Variants in CA8 observed in about 807,000 individuals in gnomAD.
CA8 encodes carbonic anhydrase-related protein.
In CA8, 22 loss-of-function variants were observed where a neutral mutation model predicts 41.4. That is an observed-to-expected ratio of 0.53 (90% confidence interval 0.38 to 0.76). The LOEUF is 0.76. CA8 is among the 30% of genes least tolerant of loss of function. The pLI is 0.00. For synonymous variants in CA8, 121 were observed against 130.6 expected (o/e 0.93, Z 0.50); for missense variants, 270 against 352.8 (o/e 0.77, Z 1.88).
intron 2 of CA8, among the ~76,000 whole-genome samples, chr8:60,277,782 A>T (rs1262830948): frequency 6.6e-6 from 1 of 152,236 alleles, no homozygotes; most frequent in Non-Finnish European, 1.5e-5. Flanking sequence ...GGGAAAAAAC[A>T]ACTACTCAAG....
intron 3 of CA8, among the ~76,000 whole-genome samples, chr8:60,235,967 T>A (rs1428956571): frequency 6.6e-6 from 1 of 152,196 alleles, no homozygotes; most frequent in Non-Finnish European, 1.5e-5. Context: ...GAATATAAGC[T>A]AGGAGGATAC....
intron 3 of CA8, among the ~76,000 whole-genome samples, chr8:60,233,530 G>A (rs1399652226): frequency 6.6e-6 from 1 of 152,200 alleles, no homozygotes; most frequent in Admixed American, 6.5e-5. Context: ...CAGAGACTGT[G>A]ACTACCCAGT....
rs1338938751 is a variant in CA8, at chr8:60,281,184, A to G, written c.-37T>C. The G allele has an allele frequency of 1.4e-6, 2 of 1,446,352 alleles. No homozygotes were observed. The highest frequency in any genetic ancestry group is 3.9e-5 in the Admixed American group (2 of 50,860). 89.6% of individuals were successfully genotyped at this position (1,446,352 alleles called of 1,614,324 possible). A position where few individuals can be genotyped will look rare whatever the true frequency, so the allele number is the denominator to read the frequency against. ...GGGGCCCCTCGGCGCTCTCGGCAGC[A>G]GTGCCTGCGCCTTCGCTGGGCGCGG... is the stretch of plus-strand genomic sequence containing the variant. On this transcript the variant is annotated 5_prime_UTR_variant, in exon 1 of 9. Coordinates refer to ENST00000317995, the MANE Select transcript of CA8 (RefSeq NM_004056.6).
chr8:60,254,428 T>A (rs928505083), intron 3 of CA8, among the ~76,000 whole-genome samples: 8 of 152,122 alleles, frequency 5.3e-5, no homozygotes, highest in African/African-American at 1.9e-4. Flanking sequence ...TTTAATATAG[T>A]CAGTCTCTAG....
At position 60,208,872 on chromosome 8, in the gene CA8, A is replaced by T; in HGVS notation, c.786T>A (p.Leu262=). Residue 262 remains leucine, a synonymous_variant, in exon 8 of 9, where the codon CTT becomes CTA. Coordinates refer to ENST00000317995, the MANE Select transcript of CA8 (RefSeq NM_004056.6). ...CCAAAATCCCATCACAGCCTTCCAC[A>T]AGTTCTGCCCCCTTAACATGTGTCC... ...RLRTHVKGAE[L]VEGCDGILGD... 2 of 1,614,124 alleles carry T rather than the reference A, an allele frequency of 1.2e-6. No individual in the cohort carries two copies. Among genetic ancestry groups the T allele is most frequent in the Non-Finnish European group, 1.7e-6 (2 of 1,180,018 alleles).
At chr8:60,230,438 G>A (rs1001320498) in intron 4 of CA8, among the ~76,000 whole-genome samples, 4 of 152,134 alleles carry the variant, frequency 2.6e-5, no homozygotes, top group African/African-American at 4.8e-5. Flanking sequence ...ATCATCGCCA[G>A]TTATTGCCCC....
At chr8:60,278,361 C>T (rs1317057637) in intron 2 of CA8, among the ~76,000 whole-genome samples, 2 of 152,140 alleles carry the variant, frequency 1.3e-5, no homozygotes, top group Non-Finnish European at 2.9e-5. Context: ...TTATATGCAA[C>T]CAATATTGAT....
At chr8:60,198,143 G>C (rs1464597130) in intron 8 of CA8, among the ~76,000 whole-genome samples, 1 of 152,176 alleles carries the variant, frequency 6.6e-6, no homozygotes, top group Non-Finnish European at 1.5e-5. Context: ...TCAGCATTGG[G>C]AGTGGGGCCC....
Position 60,226,751 on chromosome 8 carries a change from C to T in CA8, c.576+122G>A, listed in dbSNP as rs74468813. The stretch of plus-strand genomic sequence containing the variant: ...TTCTTTTCACTGTAATAAACCATAA[C>T]CACAAGGACAGCAGCTTTTCTGAGA... On this transcript the variant is annotated intron_variant, in intron 5 of 8. Coordinates refer to ENST00000317995, the MANE Select transcript of CA8 (RefSeq NM_004056.6). The T allele has an allele frequency of 3.7e-3, 2,576 of 693,224 alleles. 34 individuals are homozygous for T. In the African/African-American group the frequency reaches 0.041, roughly 11 times the overall value. 42.9% of individuals were successfully genotyped at this position (693,224 alleles called of 1,614,324 possible).
At chr8:60,258,244 T>C (rs923124978) in intron 3 of CA8, among the ~76,000 whole-genome samples, 6 of 152,224 alleles carry the variant, frequency 3.9e-5, no homozygotes, top group African/African-American at 1.2e-4. Context: ...GTAGAAGTAG[T>C]GATGTTGGCA....
At chr8:60,194,934 T>C (rs558660796) in intron 8 of CA8, among the ~76,000 whole-genome samples, 1 of 152,226 alleles carries the variant, frequency 6.6e-6, no homozygotes, top group Non-Finnish European at 1.5e-5. Flanking sequence ...TTGATGGTCA[T>C]TATTTGAAAT....
intron 4 of CA8, 135 bp from the exon 5 acceptor site, chr8:60,227,070 T>C: frequency 2.8e-6 from 2 of 718,748 alleles, no homozygotes; most frequent in Admixed American, 2.0e-5. Flanking sequence ...GTTGGGTGGA[T>C]CACAAGGTTA....
At chr8:60,241,910 G>A (rs1208180992) in intron 3 of CA8, among the ~76,000 whole-genome samples, 3 of 152,208 alleles carry the variant, frequency 2.0e-5, no homozygotes, top group Non-Finnish European at 4.4e-5. Context: ...ATTCTATACA[G>A]TGAATCAGTG....
chr8:60,265,813 C>G, intron 3 of CA8, 112 bp downstream of exon 3: 1 of 1,198,268 alleles, frequency 8.3e-7, no homozygotes, highest in Non-Finnish European at 1.2e-6. Context: ...TTAGTATAAA[C>G]TGATAAAATT....
intron 4 of CA8, among the ~76,000 whole-genome samples, chr8:60,227,590 A>G (rs1455068164): frequency 6.6e-6 from 1 of 152,192 alleles, no homozygotes; most frequent in Non-Finnish European, 1.5e-5. Flanking sequence ...TACATGTTCA[A>G]ACCCTTCCAT....
intron 3 of CA8, among the ~76,000 whole-genome samples, chr8:60,245,289 T>TTTTTTGGTAGAAAAA (rs1335857469): frequency 2.0e-5 from 3 of 151,894 alleles, no homozygotes; most frequent in Non-Finnish European, 2.9e-5. Flanking sequence ...AAAAAAAAAT[T>TTTTTTGGTAGAAAAA]ATCTTAAGTG....
intron 3 of CA8, among the ~76,000 whole-genome samples, chr8:60,257,961 A>G (rs1803604918): frequency 6.6e-6 from 1 of 152,226 alleles, no homozygotes; most frequent in Non-Finnish European, 1.5e-5. Context: ...CCGTGGTTTC[A>G]GTTAACTCTG....
rs1167039219 is a variant in CA8, at chr8:60,237,125, C to T, written c.418-4746G>A. Among the ~76,000 whole-genome samples, 13 of 152,186 alleles carry T rather than the reference C, an allele frequency of 8.5e-5. No homozygotes were observed. In the East Asian group the frequency reaches 2.3e-3, roughly 27 times the overall value. On this transcript the variant is annotated intron_variant, in intron 3 of 8. Transcript: ENST00000317995. ...ATTATTCTGAGAGGCAATGTGCTCT[C>T]ATAAAAGACCTCTGCTAGGAATCTC...
intron 2 of CA8, among the ~76,000 whole-genome samples, chr8:60,275,435 C>A: frequency 6.6e-6 from 1 of 151,112 alleles, no homozygotes; most frequent in Admixed American, 6.6e-5. Flanking sequence ...ATCATACATT[C>A]ATGAAATAAA....
Sources: gnomAD v4.1 joint callset for allele counts (sites outside exome capture counted in the v4.1 genomes callset) on GRCh38, gnomAD v4.1.1 for gene constraint, MANE v1.5 for transcripts, NCBI Gene and HGNC (gene_info 2026-07-23, HGNC 2026-07-21) for gene names.